Variants in ZSWIM5 observed in about 807,000 individuals in gnomAD.
The protein encoded by ZSWIM5 is zinc finger SWIM domain-containing protein 5.
Under a neutral mutation model 119.6 loss-of-function variants are expected in ZSWIM5, and 55 were observed. That is an observed-to-expected ratio of 0.46 (90% CI 0.37 to 0.58). ZSWIM5 has a LOEUF of 0.58. ZSWIM5 is among the 20% of genes least tolerant of loss of function. The pLI, the probability that ZSWIM5 is intolerant of heterozygous loss-of-function variation, is 0.00. For synonymous variants in ZSWIM5, 537 were observed against 606.9 expected, an observed-to-expected ratio of 0.88 and a Z score of 1.69; for missense variants, 1,193 against 1,512.8, an observed-to-expected ratio of 0.79 and a Z score of 3.51.
rs554125733 is a variant in ZSWIM5, at chr1:45,135,520, T to C, written c.596-47283A>G. On this transcript the variant is annotated intron_variant, in intron 1 of 13. Coordinates refer to ENST00000359600, the MANE Select transcript of ZSWIM5 (RefSeq NM_020883.2). Reference sequence around the variant, plus strand: ...TTATTGGTCAAATCTTAGACTTCGTTATCTATGCTTATGGAATGTCTTAAC... The same window carrying C: ...TTATTGGTCAAATCTTAGACTTCGTCATCTATGCTTATGGAATGTCTTAAC... Among the ~76,000 whole-genome samples the C allele has an allele frequency of 7.2e-5, 11 of 152,326 alleles. No homozygotes were observed. The South Asian group carries it at 2.3e-3, about 32-fold the overall frequency.
At chr1:45,097,851 A>G (rs1645412424) in intron 1 of ZSWIM5, among the ~76,000 whole-genome samples, 2 of 152,108 alleles carry the variant, frequency 1.3e-5, no homozygotes, top group Admixed American at 6.6e-5. Context: ...ATAGGTCCCC[A>G]CCACCACACC....
rs779686908 is a variant in ZSWIM5 at position 45,087,881 on chromosome 1, C to G, written c.952G>C (p.Gly318Arg). ...TTCAATAAAAAAGTTGTACAATTACCATTCACTTGGTTGATTTCTGAGTTG... is the reference window on the plus strand; with the variant it reads ...TTCAATAAAAAAGTTGTACAATTACGATTCACTTGGTTGATTTCTGAGTTG... The part of the protein sequence containing the change: ...SSNSEINQVN[G>R]APDPTAGASI... The change falls in exon 2 of 14, where the codon GGT becomes CGT. Residue 318 changes from glycine (G) to arginine (R), a missense_variant and splice_region_variant. Gly to Arg is a moderately radical substitution (Grantham distance 125). Around this residue, in one of 2 missense-constraint regions of ZSWIM5, gnomAD observed 961 missense variants for 1,290.0 expected, o/e 0.74. Coordinates refer to ENST00000359600, the MANE Select transcript of ZSWIM5 (RefSeq NM_020883.2). 1 of 1,594,774 alleles carries G rather than the reference C, an allele frequency of 6.3e-7. No individual in the cohort carries two copies.
chr1:45,060,608 G>A (rs1645147256), intron 2 of ZSWIM5, among the ~76,000 whole-genome samples: 1 of 151,910 alleles, frequency 6.6e-6, no homozygotes, highest in African/African-American at 2.4e-5. Flanking sequence ...TTTCTATGAA[G>A]TTCAAATATG....
intron 11 of ZSWIM5, among the ~76,000 whole-genome samples, chr1:45,033,025 C>T (rs776705416): frequency 1.1e-4 from 17 of 152,004 alleles, no homozygotes; most frequent in Non-Finnish European, 2.1e-4. Flanking sequence ...CATTGATTTC[C>T]TTAGATCTGT....
intron 1 of ZSWIM5, among the ~76,000 whole-genome samples, chr1:45,182,840 A>G (rs1315035504): frequency 1.1e-4 from 16 of 152,224 alleles, no homozygotes; most frequent in Middle Eastern, 3.4e-3. Flanking sequence ...ACAGATCAAC[A>G]AGACAGAAAG....
At chr1:45,085,528 GTT>G (rs771375917) in intron 2 of ZSWIM5, among the ~76,000 whole-genome samples, 6 of 112,720 alleles carry the variant, frequency 5.3e-5, no homozygotes, top group Admixed American at 1.8e-4. Flanking sequence ...TAGTTTGTTT[GTT>G]TTTTTTTTTT....
intron 4 of ZSWIM5, among the ~76,000 whole-genome samples, chr1:45,053,790 C>G (rs1310812865): frequency 6.8e-6 from 1 of 146,866 alleles, no homozygotes; most frequent in Non-Finnish European, 1.5e-5. Flanking sequence ...AAAAGGATCC[C>G]TAGAAAGTGA....
In ZSWIM5 at chr1:45,088,247, C is replaced by G. The variant is rs1645343541; in HGVS notation, c.596-10G>C. ...CCACTCAGATGAAAGCCTAAGGAAA[C>G]ACAAAAGAAACTGTGTTTAGAGATT... On this transcript the variant is annotated splice_polypyrimidine_tract_variant and intron_variant, in intron 1 of 13. Coordinates refer to ENST00000359600, the MANE Select transcript of ZSWIM5 (RefSeq NM_020883.2). The surrounding 1 kb of genome is among the most constrained non-coding windows in gnomAD (Gnocchi z 4.2). 2 of 1,550,220 alleles carry G rather than the reference C, an allele frequency of 1.3e-6. No individual in the cohort carries two copies. The highest frequency in any genetic ancestry group is 2.8e-5 in the African/African-American group (2 of 72,438).
At chr1:45,151,097 C>T (rs147546261) in intron 1 of ZSWIM5, among the ~76,000 whole-genome samples, 1 of 152,244 alleles carries the variant, frequency 6.6e-6, no homozygotes, top group East Asian at 1.9e-4. Flanking sequence ...AGGTTCTAAT[C>T]CACATATGTC....
chr1:45,160,989 A>ATTTTTT (rs534599856), intron 1 of ZSWIM5, among the ~76,000 whole-genome samples: 3 of 122,670 alleles, frequency 2.4e-5, no homozygotes, highest in Non-Finnish European at 5.3e-5. Context: ...GCCCGGCTAA[A>ATTTTTT]TTTTTTTTTT....
At chr1:45,133,886 G>C (rs934332385) in intron 1 of ZSWIM5, among the ~76,000 whole-genome samples, 8 of 151,992 alleles carry the variant, frequency 5.3e-5, no homozygotes, top group Non-Finnish European at 8.8e-5. Context: ...CCCATTGCTT[G>C]TTTTTGTCAG....
chr1:45,133,152 T>C (rs540470268), intron 1 of ZSWIM5, among the ~76,000 whole-genome samples: 20 of 152,282 alleles, frequency 1.3e-4, no homozygotes, highest in African/African-American at 3.4e-4. Context: ...CTGGGTCAAA[T>C]GGTATTTCTA....
intron 1 of ZSWIM5, among the ~76,000 whole-genome samples, chr1:45,152,917 A>T (rs1645805798): frequency 6.6e-6 from 1 of 151,980 alleles, no homozygotes; most frequent in African/African-American, 2.4e-5. Context: ...AACAAAAAAC[A>T]AATAACCCCA....
chr1:45,070,012 T>C, intron 2 of ZSWIM5: 2 of 760,744 alleles, frequency 2.6e-6, no homozygotes, highest in South Asian at 2.8e-5. Flanking sequence ...TTCATTCTCA[T>C]GAATACTTGA....
chr1:45,100,591 A>G (rs1570097575), intron 1 of ZSWIM5, among the ~76,000 whole-genome samples: 2 of 152,374 alleles, frequency 1.3e-5, no homozygotes, highest in South Asian at 4.1e-4. Context: ...TGCATTGCCA[A>G]GACAATCCTA....
intron 1 of ZSWIM5, among the ~76,000 whole-genome samples, chr1:45,135,974 C>T (rs1454401734): frequency 6.6e-6 from 1 of 152,076 alleles, no homozygotes; most frequent in Non-Finnish European, 1.5e-5. Context: ...GATCCTCTCA[C>T]CTCAGTCTCC....
intron 1 of ZSWIM5, among the ~76,000 whole-genome samples, chr1:45,112,770 A>G (rs1217541620): frequency 2.0e-5 from 3 of 152,234 alleles, no homozygotes; most frequent in Non-Finnish European, 4.4e-5. Flanking sequence ...TATACACAGG[A>G]CAACTCATAA....
At chr1:45,039,933 C>T (rs919249634) in intron 7 of ZSWIM5, among the ~76,000 whole-genome samples, 3 of 151,734 alleles carry the variant, frequency 2.0e-5, no homozygotes, top group East Asian at 1.9e-4. Flanking sequence ...CTCGAACTCC[C>T]GACCTCAGGT....
At chr1:45,062,792 C>T (rs909734448) in intron 2 of ZSWIM5, among the ~76,000 whole-genome samples, 1 of 152,164 alleles carries the variant, frequency 6.6e-6, no homozygotes. Flanking sequence ...GCATAACCCA[C>T]CATACCTGGC....
Sources: allele counts gnomAD v4.1 joint callset (sites outside exome capture counted in the v4.1 genomes callset), GRCh38; gene constraint gnomAD v4.1.1; regional missense constraint gnomAD v4.1.1; non-coding constraint Gnocchi (gnomAD v3.1); transcripts MANE v1.5; gene names NCBI Gene and HGNC (gene_info 2026-07-23, HGNC 2026-07-21).